The following CACNG3 variants were observed in gnomAD, a reference collection of about 807,000 sequenced individuals.
The protein encoded by CACNG3 is calcium voltage-gated channel auxiliary subunit gamma 3.
In CACNG3, 3 loss-of-function variants were observed where a neutral mutation model predicts 28.5. The ratio of observed to expected loss-of-function variants is 0.11; its 90% CI spans 0.05 to 0.27. CACNG3 has a LOEUF of 0.27. Ranked by LOEUF, CACNG3 falls within the 10% of genes least tolerant of loss-of-function variation. The pLI is 1.00. For missense variants in CACNG3, 236 were observed against 414.4 expected (o/e 0.57, Z 3.74); for synonymous variants, 174 against 162.2 (o/e 1.07, Z -0.55).
intron 1 of CACNG3, among the ~76,000 whole-genome samples, chr16:24,303,204 T>A (rs1030016547): frequency 1.3e-5 from 2 of 152,150 alleles, no homozygotes; most frequent in Admixed American, 1.3e-4. Context: ...GCCACATTCC[T>A]CGCTGTCTCC....
chr16:24,272,470 A>T (rs911877104), intron 1 of CACNG3, among the ~76,000 whole-genome samples: 1 of 152,084 alleles, frequency 6.6e-6, no homozygotes, highest in Non-Finnish European at 1.5e-5. Context: ...ACTTTTTAAC[A>T]ATTATCTTAC....
rs147400394 is a variant in CACNG3 at position 24,304,614 on chromosome 16, C to A, written c.212-42120C>A. On this transcript the variant is annotated intron_variant, in intron 1 of 3. Coordinates refer to ENST00000005284, the MANE Select transcript of CACNG3 (RefSeq NM_006539.4). ...TTTTATAGACAGTCTCACTCTGTTG[C>A]CCAAGCTGGAGTGCAGTAGCGCAAT... Among the ~76,000 whole-genome samples, 930 of 152,258 alleles carry A rather than the reference C, an allele frequency of 6.1e-3. 10 individuals carry two copies. The highest frequency in any genetic ancestry group is 0.022 in the African/African-American group (904 of 41,552).
At chr16:24,327,126 CAAAAAAAAAAA>C (rs57918697) in intron 1 of CACNG3, among the ~76,000 whole-genome samples, 6 of 35,830 alleles carry the variant, frequency 1.7e-4, no homozygotes, top group East Asian at 1.1e-3. Flanking sequence ...GGCTCCAAAC[CAAAAAAAAAAA>C]AAAAAAAAAA....
In CACNG3 at chr16:24,287,356, A is replaced by G. The variant is rs146306317; in HGVS notation, c.211+30391A>G. ...AACATAGCAAAACCCCATCTCTACTAAAAATACAAATATTAGCTGGGCCTG... is the reference window on the plus strand; with the variant it reads ...AACATAGCAAAACCCCATCTCTACTGAAAATACAAATATTAGCTGGGCCTG... On this transcript the variant is annotated intron_variant, in intron 1 of 3. Transcript: ENST00000005284. Among the ~76,000 whole-genome samples, 725 of 152,044 alleles carry G rather than the reference A, an allele frequency of 4.8e-3. 6 individuals are homozygous for G. Among genetic ancestry groups the G allele is most frequent in the Non-Finnish European group, 7.0e-3 (478 of 67,952 alleles).
At chr16:24,314,469 C>T (rs1899319089) in intron 1 of CACNG3, among the ~76,000 whole-genome samples, 1 of 152,162 alleles carries the variant, frequency 6.6e-6, no homozygotes, top group Non-Finnish European at 1.5e-5. Flanking sequence ...TGACCTTTCT[C>T]CCAATGCACC....
chr16:24,267,862 G>A (rs577101164), intron 1 of CACNG3, among the ~76,000 whole-genome samples: 59 of 152,050 alleles, frequency 3.9e-4, no homozygotes, highest in Admixed American at 1.4e-3. Context: ...GTAGAGACAG[G>A]GTTTCTCCAT....
intron 1 of CACNG3, among the ~76,000 whole-genome samples, chr16:24,292,241 A>T (rs1241401489): frequency 6.6e-6 from 1 of 152,164 alleles, no homozygotes; most frequent in African/African-American, 2.4e-5. Context: ...CCTCAAGGGG[A>T]GTCCTGAATG....
At chr16:24,353,459 A>T (rs554060230) in intron 2 of CACNG3, among the ~76,000 whole-genome samples, 1 of 152,292 alleles carries the variant, frequency 6.6e-6, no homozygotes, top group East Asian at 1.9e-4. Flanking sequence ...CTTATACTGG[A>T]TGGGTAAATA....
chr16:24,323,300 A>C (rs568310242), intron 1 of CACNG3, among the ~76,000 whole-genome samples: 1 of 151,026 alleles, frequency 6.6e-6, no homozygotes, highest in African/African-American at 2.4e-5. Context: ...GGGTCATCAG[A>C]TGGTCAGAAC....
chr16:24,278,575 C>G (rs1246963720), intron 1 of CACNG3, among the ~76,000 whole-genome samples: 2 of 152,084 alleles, frequency 1.3e-5, no homozygotes, highest in Non-Finnish European at 2.9e-5. Flanking sequence ...GAGATTGCAC[C>G]ACTGCACTCC....
At chr16:24,302,635 TTTTTGTTTTGTTTTGTTTTG>T (rs60301738) in intron 1 of CACNG3, among the ~76,000 whole-genome samples, 19 of 148,770 alleles carry the variant, frequency 1.3e-4, no homozygotes, top group South Asian at 8.6e-4. Context: ...TTTTTGTTTG[TTTTTGTTTTGTTTTGTTTTG>T]TTTTGTTTTG....
At chr16:24,264,083 G>A (rs1404814025) in intron 1 of CACNG3, among the ~76,000 whole-genome samples, 2 of 152,268 alleles carry the variant, frequency 1.3e-5, no homozygotes, top group African/African-American at 4.8e-5. Flanking sequence ...AGTTCTGTGT[G>A]TGGATTGGAT....
Position 24,362,041 on chromosome 16 carries a change from TC to T in CACNG3, c.*180del, listed in dbSNP as rs1367294034. 1 of 566,976 alleles carries T rather than the reference TC, an allele frequency of 1.8e-6. No individual in the cohort carries two copies. The highest frequency in any genetic ancestry group is 1.9e-5 in the African/African-American group (1 of 53,516). 35.1% of individuals were successfully genotyped at this position (566,976 alleles called of 1,614,324 possible). On this transcript the variant is annotated 3_prime_UTR_variant, in exon 4 of 4. Coordinates refer to ENST00000005284, the MANE Select transcript of CACNG3 (RefSeq NM_006539.4). ...CACCCTCCAAGTCCTAACCCCTCCA[TC>T]CTCTCTAACTTTTCAAGCCAATCCC...
At chr16:24,285,029 A>G (rs1898874881) in intron 1 of CACNG3, among the ~76,000 whole-genome samples, 1 of 151,744 alleles carries the variant, frequency 6.6e-6, no homozygotes, top group Non-Finnish European at 1.5e-5. Flanking sequence ...AAAAAAAAAA[A>G]GAAAGACACT....
intron 1 of CACNG3, among the ~76,000 whole-genome samples, chr16:24,271,336 C>T (rs896318017): frequency 1.3e-4 from 20 of 152,172 alleles, no homozygotes; most frequent in African/African-American, 4.8e-4. Flanking sequence ...AAGACAAGTC[C>T]GTGGTCCCTT....
chr16:24,314,907 C>A (rs1899328086), intron 1 of CACNG3, among the ~76,000 whole-genome samples: 1 of 152,066 alleles, frequency 6.6e-6, no homozygotes, highest in African/African-American at 2.4e-5. Flanking sequence ...ACCAGAGTCC[C>A]TGAGCTTGCA....
intron 1 of CACNG3, among the ~76,000 whole-genome samples, chr16:24,340,489 T>C (rs1899770015): frequency 6.6e-6 from 1 of 152,224 alleles, no homozygotes; most frequent in African/African-American, 2.4e-5. Context: ...TTATTCGTTA[T>C]ATACGTGTAT....
intron 1 of CACNG3, among the ~76,000 whole-genome samples, chr16:24,274,839 A>T (rs938745889): frequency 1.3e-4 from 20 of 152,212 alleles, no homozygotes; most frequent in African/African-American, 4.3e-4. Context: ...GACTCGTTTT[A>T]TCAATGAGTA....
At chr16:24,316,528 G>C (rs547238113) in intron 1 of CACNG3, among the ~76,000 whole-genome samples, 1 of 152,336 alleles carries the variant, frequency 6.6e-6, no homozygotes, top group South Asian at 2.1e-4. Context: ...CCCCCACAGA[G>C]CCAGCATGGC....
Sources: gnomAD v4.1 joint callset for allele counts (sites outside exome capture counted in the v4.1 genomes callset) on GRCh38, gnomAD v4.1.1 for gene constraint, MANE v1.5 for transcripts, NCBI Gene and HGNC (gene_info 2026-07-23, HGNC 2026-07-21) for gene names.